The following COL22A1 variants were observed in gnomAD, a reference collection of about 807,000 sequenced individuals.
COL22A1 encodes collagen type XXII alpha 1 chain.
COL22A1 carries 221 observed loss-of-function variants against 248.9 expected under a neutral mutation model. That is an observed-to-expected ratio of 0.89 (90% CI 0.80 to 0.99). The LOEUF is 0.99. Among genes scored for constraint, COL22A1 ranks in the 50% least tolerant of loss-of-function variants. The pLI, the probability that COL22A1 is intolerant of heterozygous loss-of-function variation, is 0.00. For missense variants in COL22A1, 2,240 were observed against 2,179.0 expected (o/e 1.03, Z -0.56); for synonymous variants, 891 against 793.4 (o/e 1.12, Z -2.07).
intron 3 of COL22A1, among the ~76,000 whole-genome samples, chr8:138,864,749 G>A (rs1463099105): frequency 6.6e-6 from 1 of 152,162 alleles, no homozygotes; most frequent in African/African-American, 2.4e-5. Flanking sequence ...GGAGGTGCTT[G>A]GCTCCACATT....
chr8:138,759,425 C>T (rs112305490), intron 18 of COL22A1, among the ~76,000 whole-genome samples: 1,869 of 152,246 alleles, frequency 0.012, 35 homozygotes, highest in African/African-American at 0.04. Flanking sequence ...CTTCTCTCTC[C>T]CCAGTTATTC....
intron 1 of COL22A1, among the ~76,000 whole-genome samples, chr8:138,899,855 C>A (rs1017448588): frequency 6.6e-6 from 1 of 152,152 alleles, no homozygotes; most frequent in African/African-American, 2.4e-5. Context: ...TCTTACCTAT[C>A]ATGATCCCTG....
intron 41 of COL22A1, among the ~76,000 whole-genome samples, chr8:138,664,207 GCGCA>G (rs1162083750): frequency 0.01 from 909 of 87,522 alleles, 9 homozygotes; most frequent in African/African-American, 0.03. Flanking sequence ...GCGCGCGCGC[GCGCA>G]CACACACACA....
Position 138,877,913 on chromosome 8 carries a change from G to C in COL22A1, c.495C>G (p.Ala165=), listed in dbSNP as rs769738685. 1.2e-6 allele frequency: 2 copies of C among 1,609,046 alleles called. No individual in the cohort carries two copies. Among genetic ancestry groups the C allele is most frequent in the Non-Finnish European group, 1.7e-6 (2 of 1,178,058 alleles). ...QDLVLDAAAA[A]HRAGIRIFAV... is the part of the protein sequence containing the mutation. ...CAAAGATGCGGATGCCAGCGCGGTG[G>C]GCTGCCGCCGCGGCGTCCAGCACCA... The change falls in exon 3 of 65, where the codon GCC becomes GCG. Residue 165 remains alanine (A), a synonymous_variant. Coordinates refer to ENST00000303045, the MANE Select transcript of COL22A1 (RefSeq NM_152888.3).
intron 47 of COL22A1, among the ~76,000 whole-genome samples, chr8:138,639,257 T>A (rs1821457977): frequency 6.6e-6 from 1 of 152,188 alleles, no homozygotes; most frequent in East Asian, 1.9e-4. Flanking sequence ...GAAAGCAAGG[T>A]CTGGAATCTA....
At chr8:138,888,292 G>A (rs1824814711) in intron 1 of COL22A1, among the ~76,000 whole-genome samples, 1 of 152,144 alleles carries the variant, frequency 6.6e-6, no homozygotes, top group East Asian at 1.9e-4. Flanking sequence ...GGGGGTTGTA[G>A]GGGAAGGCAC....
At chr8:138,607,081 T>C (rs1356059995) in intron 57 of COL22A1, among the ~76,000 whole-genome samples, 3 of 152,142 alleles carry the variant, frequency 2.0e-5, no homozygotes, top group African/African-American at 7.2e-5. Context: ...GAGGAGGGTC[T>C]CCGCTAGGGT....
chr8:138,637,726 T>C (rs1821315473), intron 47 of COL22A1, among the ~76,000 whole-genome samples: 1 of 152,166 alleles, frequency 6.6e-6, no homozygotes, highest in African/African-American at 2.4e-5. Context: ...TTAAATGACC[T>C]AAAATATACA....
chr8:138,901,360 T>TTTG (rs1554660864), intron 1 of COL22A1, among the ~76,000 whole-genome samples: 2 of 91,508 alleles, frequency 2.2e-5, no homozygotes, highest in African/African-American at 6.9e-5. Context: ...ACTGGCAGGT[T>TTTG]TTTTTTTTGT....
At chr8:138,700,776 A>C (rs966844201) in intron 31 of COL22A1, among the ~76,000 whole-genome samples, 2 of 152,134 alleles carry the variant, frequency 1.3e-5, no homozygotes, top group African/African-American at 4.8e-5. Context: ...CGAGGTCAGG[A>C]GATTGAGACC....
intron 5 of COL22A1, among the ~76,000 whole-genome samples, chr8:138,828,574 T>A (rs960313732): frequency 2.6e-5 from 4 of 152,074 alleles, no homozygotes; most frequent in Non-Finnish European, 5.9e-5. Context: ...AAAATACATA[T>A]CTTTTGAGAG....
chr8:138,598,076 T>C (rs563201206), intron 61 of COL22A1, among the ~76,000 whole-genome samples: 125 of 152,356 alleles, frequency 8.2e-4, no homozygotes, highest in East Asian at 1.3e-3. Context: ...TCACATGGAC[T>C]TCCACCAGGG....
chr8:138,631,694 A>C (rs1024401692), intron 49 of COL22A1, among the ~76,000 whole-genome samples: 1 of 21,888 alleles, frequency 4.6e-5, no homozygotes, highest in Non-Finnish European at 1.2e-4. Flanking sequence ...TCACATATGC[A>C]CAGCCTCATA....
Position 138,877,615 on chromosome 8 carries a change from A to G in COL22A1, c.658+135T>C, listed in dbSNP as rs867362483. On this transcript the variant is annotated intron_variant, in intron 3 of 64. Coordinates refer to ENST00000303045, the MANE Select transcript of COL22A1 (RefSeq NM_152888.3). ...CAAACCCAAGAATGTGGGTCCCCTCAGCCTCTGCACCTGCTACTTCCCCCG... is the reference window on the plus strand; with the variant it reads ...CAAACCCAAGAATGTGGGTCCCCTCGGCCTCTGCACCTGCTACTTCCCCCG... 3.7e-5 allele frequency: 32 copies of G among 867,248 alleles called. No homozygotes were observed. The Middle Eastern group carries it at 1.4e-3, about 39-fold the overall frequency. The allele number at this position is 867,248 out of a possible 1,614,324, so 53.7% of individuals were successfully genotyped here.
chr8:138,833,529 CCACT>C (rs1318105679), intron 4 of COL22A1, among the ~76,000 whole-genome samples: 1 of 152,194 alleles, frequency 6.6e-6, no homozygotes, highest in Non-Finnish European at 1.5e-5. Flanking sequence ...AGGCGAACGG[CCACT>C]CACGGCTTTC....
In COL22A1 at chr8:138,684,485, A is replaced by G. The variant is rs1826192262; in HGVS notation, c.2968-16T>C. ...CACGGAGTCCCTGGAGAAATAAATA[A>G]TACAAGGACAATCATGGAGCTGAGA... On this transcript the variant is annotated splice_polypyrimidine_tract_variant and intron_variant, in intron 38 of 64. Transcript: ENST00000303045. 2 of 1,593,622 alleles carry G rather than the reference A, an allele frequency of 1.3e-6. No individual in the cohort carries two copies. Among genetic ancestry groups the G allele is most frequent in the Admixed American group, 1.7e-5 (1 of 59,974 alleles).
intron 63 of COL22A1, among the ~76,000 whole-genome samples, chr8:138,593,238 A>G (rs1401998938): frequency 6.6e-6 from 1 of 152,076 alleles, no homozygotes; most frequent in Non-Finnish European, 1.5e-5. Flanking sequence ...TCAAGGGGAC[A>G]GAGGGCATTA....
intron 47 of COL22A1, among the ~76,000 whole-genome samples, chr8:138,639,588 T>A (rs1157494894): frequency 6.6e-6 from 1 of 152,208 alleles, no homozygotes; most frequent in Non-Finnish European, 1.5e-5. Flanking sequence ...GGAAAGAAAC[T>A]TCGCCCCACT....
chr8:138,589,058 T>A lies in COL22A1; in HGVS notation c.*195A>T, dbSNP rs1816816152. The stretch of plus-strand genomic sequence containing the variant: ...ACAACAACAATAATATTAATAATAA[T>A]CTGACCGACCGGCAGCGTCTGTTGG... On this transcript the variant is annotated 3_prime_UTR_variant, in exon 65 of 65. Coordinates refer to ENST00000303045, the MANE Select transcript of COL22A1 (RefSeq NM_152888.3). 1.8e-6 allele frequency: 1 copy of A among 565,840 alleles called. No individual in the cohort carries two copies. The highest frequency in any genetic ancestry group is 3.7e-5 in the Admixed American group (1 of 27,178). The allele number at this position is 565,840 out of a possible 1,614,324, so 35.1% of individuals were successfully genotyped here.
Sources: gnomAD v4.1 joint callset for allele counts (sites outside exome capture counted in the v4.1 genomes callset) on GRCh38, gnomAD v4.1.1 for gene constraint, MANE v1.5 for transcripts, NCBI Gene and HGNC (gene_info 2026-07-23, HGNC 2026-07-21) for gene names.